MAP3K7CL: variants seen among roughly 807,000 people sequenced by gnomAD.
MAP3K7CL encodes the protein MAP3K7 C-terminal like.
MAP3K7CL carries 16 observed loss-of-function variants against 18.6 expected under a neutral mutation model. That is an observed-to-expected ratio of 0.86 (90% confidence interval 0.58 to 1.31). MAP3K7CL has a LOEUF of 1.31. Among genes scored for constraint, MAP3K7CL ranks in the 50% most tolerant of loss-of-function variants. The pLI, the probability that MAP3K7CL is intolerant of heterozygous loss-of-function variation, is 0.00. For synonymous variants in MAP3K7CL, 65 were observed against 66.8 expected (o/e 0.97, Z 0.13); for missense variants, 163 against 174.4 (o/e 0.93, Z 0.37).
intron 4 of MAP3K7CL, among the ~76,000 whole-genome samples, chr21:29,093,439 T>C (rs1414169893): frequency 6.6e-6 from 1 of 152,136 alleles, no homozygotes; most frequent in Non-Finnish European, 1.5e-5. Flanking sequence ...GGTAATTCTC[T>C]TTATTTATGA....
chr21:29,082,874 T>G (rs2085859301), upstream of MAP3K7CL, among the ~76,000 whole-genome samples: 1 of 152,160 alleles, frequency 6.6e-6, no homozygotes, highest in South Asian at 2.1e-4. Flanking sequence ...CAATTTACCT[T>G]GCAGGATTCA....
At chr21:29,114,510 C>A (rs949550624) in intron 4 of MAP3K7CL, among the ~76,000 whole-genome samples, 2 of 152,160 alleles carry the variant, frequency 1.3e-5, no homozygotes, top group Non-Finnish European at 2.9e-5. Context: ...CCCACCTCAG[C>A]CTCTCAAGTA....
chr21:29,088,394 G>A lies in MAP3K7CL; in HGVS notation c.57+2477G>A, dbSNP rs554357393. On this transcript the variant is annotated intron_variant, in intron 1 of 6. Coordinates refer to the MAP3K7CL transcript ENST00000286791. ...TGACAAAAACACAAGTTTACAGATT[G>A]CATTACATTTTCGCACTGTTTTGAA... 5.3e-5 allele frequency among the ~76,000 whole-genome samples: 8 copies of A among 152,278 alleles called. No homozygotes were observed. The South Asian group carries it at 1.2e-3, about 24-fold the overall frequency.
At chr21:29,092,903 C>CT (rs1374151285) in intron 4 of MAP3K7CL, among the ~76,000 whole-genome samples, 1 of 152,240 alleles carries the variant, frequency 6.6e-6, no homozygotes, top group Non-Finnish European at 1.5e-5. Context: ...CTCACTATGA[C>CT]TTTTTTGTTT....
intron 4 of MAP3K7CL, among the ~76,000 whole-genome samples, chr21:29,163,453 T>C (rs2087603726): frequency 6.6e-6 from 1 of 152,246 alleles, no homozygotes; most frequent in Non-Finnish European, 1.5e-5. Flanking sequence ...TCTTGGTTGA[T>C]GCAATATTGT....
chr21:29,163,744 G>T, intron 4 of MAP3K7CL, among the ~76,000 whole-genome samples: 1 of 146,578 alleles, frequency 6.8e-6, no homozygotes, highest in African/African-American at 2.6e-5. Context: ...CACCCAGGCT[G>T]GAGTGCAGTG....
At chr21:29,152,481 A>G (rs1383036870) in intron 3 of MAP3K7CL, among the ~76,000 whole-genome samples, 5 of 152,226 alleles carry the variant, frequency 3.3e-5, no homozygotes, top group Non-Finnish European at 2.9e-5. Flanking sequence ...CCACTATGGA[A>G]GAGTAAAAGT....
chr21:29,127,211 G>A (rs184712871), upstream of MAP3K7CL, among the ~76,000 whole-genome samples: 137 of 152,298 alleles, frequency 9.0e-4, 1 homozygote, highest in East Asian at 8.9e-3. Context: ...CAAGTCTAGA[G>A]CTCAGTATGT....
upstream of MAP3K7CL, among the ~76,000 whole-genome samples, chr21:29,077,197 A>G (rs752283141): frequency 5.6e-4 from 85 of 152,268 alleles, 1 homozygote; most frequent in Admixed American, 1.2e-3. Flanking sequence ...GTGAGCCCAC[A>G]CTCCTCAGCC....
intron 1 of MAP3K7CL, among the ~76,000 whole-genome samples, chr21:29,132,434 C>A (rs1413692545): frequency 6.6e-6 from 1 of 152,072 alleles, no homozygotes; most frequent in African/African-American, 2.4e-5. Flanking sequence ...GGTAGACTTA[C>A]AGGTAGTTAA....
intron 4 of MAP3K7CL, among the ~76,000 whole-genome samples, chr21:29,117,105 A>G (rs1292832759): frequency 6.6e-6 from 1 of 152,126 alleles, no homozygotes; most frequent in Non-Finnish European, 1.5e-5. Flanking sequence ...TTAACTATCA[A>G]TATATTTCTT....
At chr21:29,128,822 G>T (rs1446029937), upstream of MAP3K7CL, among the ~76,000 whole-genome samples, 1 of 152,152 alleles carries the variant, frequency 6.6e-6, no homozygotes, top group African/African-American at 2.4e-5. Flanking sequence ...TTAAAATGAG[G>T]TCGTGAATAA....
At chr21:29,085,763 G>T (rs2085914635), upstream of MAP3K7CL, 3 of 1,196,400 alleles carry the variant, frequency 2.5e-6, no homozygotes, top group South Asian at 3.7e-5. Flanking sequence ...TTGTTTGAAG[G>T]AATGTTGCGA....
chr21:29,107,188 C>A (rs962421359), intron 4 of MAP3K7CL, among the ~76,000 whole-genome samples: 7 of 152,052 alleles, frequency 4.6e-5, no homozygotes, highest in Non-Finnish European at 8.8e-5. Flanking sequence ...TGGTGGTGGA[C>A]ACCTGTAATC....
chr21:29,109,113 C>G (rs900544930), intron 4 of MAP3K7CL: 1 of 1,535,148 alleles, frequency 6.5e-7, no homozygotes, highest in African/African-American at 1.4e-5. Flanking sequence ...TTATGAAGAC[C>G]ACCTGGGCCT....
At chr21:29,100,700 CTTTTTTTTT>C (rs34749282) in intron 4 of MAP3K7CL, among the ~76,000 whole-genome samples, 9 of 68,688 alleles carry the variant, frequency 1.3e-4, no homozygotes, top group South Asian at 7.8e-4. Context: ...AAACAGCAAA[CTTTTTTTTT>C]TTTTTTTTTT....
chr21:29,155,431 C>G (rs2087378207), intron 3 of MAP3K7CL, among the ~76,000 whole-genome samples: 1 of 152,122 alleles, frequency 6.6e-6, no homozygotes, highest in Admixed American at 6.5e-5. Context: ...AAAACGGAAA[C>G]GCCCGAGCCG....
At chr21:29,080,734 C>T (rs748336097) in intron 1 of MAP3K7CL, 1 of 151,978 alleles carries the variant, frequency 6.6e-6, no homozygotes, top group Non-Finnish European at 1.5e-5. Flanking sequence ...ACATCTGGGA[C>T]CTATTCCCAG....
At chr21:29,112,158 T>G (rs1272505287) in intron 4 of MAP3K7CL, among the ~76,000 whole-genome samples, 1 of 151,896 alleles carries the variant, frequency 6.6e-6, no homozygotes, top group African/African-American at 2.4e-5. Context: ...ATTAGCCAGG[T>G]GTGGTGGCGT....
Sources: allele counts gnomAD v4.1 joint callset (sites outside exome capture counted in the v4.1 genomes callset), GRCh38; gene constraint gnomAD v4.1.1; transcripts MANE v1.5; gene names NCBI Gene and HGNC (gene_info 2026-07-23, HGNC 2026-07-21).